The following AUTS2 variants were observed in gnomAD, a reference collection of about 807,000 sequenced individuals.
AUTS2 encodes activator of transcription and developmental regulator AUTS2, also known as autism susceptibility gene 2 protein.
AUTS2 carries 17 observed loss-of-function variants against 112.4 expected under a neutral mutation model. The ratio of observed to expected loss-of-function variants is 0.15; its 90% CI spans 0.10 to 0.23. The LOEUF (loss-of-function observed/expected upper bound fraction) is 0.23, where lower values mean the gene tolerates loss of function less well. Ranked by LOEUF, AUTS2 falls within the 10% of genes least tolerant of loss-of-function variation. AUTS2 has a pLI of 1.00. For synonymous variants in AUTS2, 751 were observed against 702.7 expected, an observed-to-expected ratio of 1.07 and a Z score of -1.09; for missense variants, 1,510 against 1,701.6, an observed-to-expected ratio of 0.89 and a Z score of 1.98.
At chr7:70,290,533 T>C in intron 4 of AUTS2, 1 of 1,530,226 alleles carries the variant, frequency 6.5e-7, no homozygotes, top group Non-Finnish European at 8.8e-7. Flanking sequence ...GTCACTCACA[T>C]TTGAATTCTA....
chr7:70,254,298 C>A (rs1786746884), intron 4 of AUTS2, among the ~76,000 whole-genome samples: 1 of 152,154 alleles, frequency 6.6e-6, no homozygotes, highest in South Asian at 2.1e-4. Flanking sequence ...AAAGTATAAT[C>A]ATTAATGTAA....
In AUTS2 at chr7:70,762,920, G is replaced by C. The variant is rs1001820837; in HGVS notation, c.793G>C (p.Gly265Arg). 6.2e-7 allele frequency: 1 copy of C among 1,614,160 alleles called. No homozygotes were observed. The highest frequency in any genetic ancestry group is 8.5e-7 in the Non-Finnish European group (1 of 1,180,024). ...TLPEHDSQDA[G>R]PIVPKISGLE... Reference sequence around the variant, plus strand: ...ACCAGAACATGACAGCCAGGATGCAGGGCCGATTGTCCCCAAGATATCGGG... The same window carrying C: ...ACCAGAACATGACAGCCAGGATGCACGGCCGATTGTCCCCAAGATATCGGG... Residue 265 changes from glycine to arginine, a missense_variant, in exon 7 of 19, where the codon GGG (glycine) becomes CGG (arginine). By Grantham distance (125) the Gly-to-Arg change is moderately radical (BLOSUM62 -2). Coordinates refer to ENST00000342771, the MANE Select transcript of AUTS2 (RefSeq NM_015570.4).
chr7:70,393,655 G>A (rs1793962873), intron 4 of AUTS2, among the ~76,000 whole-genome samples: 1 of 152,036 alleles, frequency 6.6e-6, no homozygotes, highest in Non-Finnish European at 1.5e-5. Context: ...GATGTTATTG[G>A]GCTTCCTTGC....
At chr7:70,533,857 C>T (rs1379081899) in intron 5 of AUTS2, among the ~76,000 whole-genome samples, 3 of 152,154 alleles carry the variant, frequency 2.0e-5, no homozygotes, top group African/African-American at 7.2e-5. Flanking sequence ...AGCAGCTGAG[C>T]GTGGGAGTGG....
intron 1 of AUTS2, among the ~76,000 whole-genome samples, chr7:69,729,839 A>G (rs1364348869): frequency 1.3e-5 from 2 of 152,036 alleles, no homozygotes; most frequent in Non-Finnish European, 1.5e-5. Flanking sequence ...ATAAAAAGCT[A>G]CTGGATTTCT....
intron 3 of AUTS2, among the ~76,000 whole-genome samples, chr7:70,127,307 T>C (rs1212511665): frequency 2.7e-5 from 4 of 149,824 alleles, no homozygotes; most frequent in Admixed American, 2.6e-4. Context: ...CTAATTTTTG[T>C]ATTTTTAGTA....
At chr7:69,740,921 T>A (rs556259868) in intron 1 of AUTS2, among the ~76,000 whole-genome samples, 1 of 152,284 alleles carries the variant, frequency 6.6e-6, no homozygotes, top group South Asian at 2.1e-4. Context: ...GATTGTTAAT[T>A]TTTAGGCAAA....
intron 5 of AUTS2, among the ~76,000 whole-genome samples, chr7:70,695,744 A>G (rs1158011353): frequency 2.6e-5 from 4 of 152,230 alleles, no homozygotes; most frequent in African/African-American, 7.2e-5. Context: ...TTAAACGCCA[A>G]CTACGGCTTC....
intron 5 of AUTS2, among the ~76,000 whole-genome samples, chr7:70,621,171 G>A (rs1316742009): frequency 6.6e-6 from 1 of 152,254 alleles, no homozygotes; most frequent in Non-Finnish European, 1.5e-5. Context: ...GCACGTGGAA[G>A]GGTTGAGTGT....
chr7:70,348,306 A>G (rs766006675), intron 4 of AUTS2, among the ~76,000 whole-genome samples: 3 of 152,234 alleles, frequency 2.0e-5, no homozygotes, highest in African/African-American at 4.8e-5. Flanking sequence ...GATTTGTCCA[A>G]TTGTTTCCCC....
intron 10 of AUTS2, 115 bp downstream of exon 10, chr7:70,768,183 C>T (rs1790057067): frequency 4.9e-6 from 5 of 1,015,140 alleles, no homozygotes; most frequent in African/African-American, 1.7e-5. Flanking sequence ...CAAGAGTTCC[C>T]ATTGCTCCTC....
chr7:69,614,380 G>A (rs1470674890), intron 1 of AUTS2, among the ~76,000 whole-genome samples: 1 of 13,108 alleles, frequency 7.6e-5, no homozygotes. Context: ...TTAAGAGATG[G>A]GATCTCACTC....
rs1789931069 is a variant in AUTS2 at position 70,766,205 on chromosome 7, G to A, written c.1560G>A (p.Leu520=). Residue 520 remains leucine, a synonymous_variant, in exon 9 of 19, where the codon CTG becomes CTA. Coordinates refer to ENST00000342771, the MANE Select transcript of AUTS2 (RefSeq NM_015570.4). This position sits in a 1 kb window ranked among gnomAD's most constrained non-coding sequence, Gnocchi z 4.8. ...CTTCCCTGGGCCCTCCGCCCTACCTGCGGACCGAGTTCCATCAGCACCAGC... is the reference window on the plus strand; with the variant it reads ...CTTCCCTGGGCCCTCCGCCCTACCTACGGACCGAGTTCCATCAGCACCAGC... ...RGASLGPPPY[L]RTEFHQHQHQ... 1 of 1,613,952 alleles carries A rather than the reference G, an allele frequency of 6.2e-7. No individual in the cohort carries two copies. Among genetic ancestry groups the A allele is most frequent in the African/African-American group, 1.3e-5 (1 of 74,868 alleles).
intron 5 of AUTS2, among the ~76,000 whole-genome samples, chr7:70,525,147 A>G (rs956995299): frequency 5.3e-5 from 8 of 152,070 alleles, no homozygotes; most frequent in African/African-American, 1.9e-4. Context: ...ACCTGCCTGT[A>G]CCTCCAGGGA....
At chr7:70,701,302 A>G (rs1284092693) in intron 6 of AUTS2, among the ~76,000 whole-genome samples, 1 of 152,214 alleles carries the variant, frequency 6.6e-6, no homozygotes, top group Non-Finnish European at 1.5e-5. Context: ...GATGAAGCTC[A>G]GGCAGAGGCA....
rs565015537 is a variant in AUTS2 at position 70,485,387 on chromosome 7, G to A, written c.690+49606G>A. Among the ~76,000 whole-genome samples the A allele has an allele frequency of 3.3e-5, 5 of 152,168 alleles. No homozygotes were observed. In the South Asian group the frequency reaches 1.0e-3, roughly 32 times the overall value. On this transcript the variant is annotated intron_variant, in intron 5 of 18. Coordinates refer to ENST00000342771, the MANE Select transcript of AUTS2 (RefSeq NM_015570.4). Reference sequence around the variant, plus strand: ...ATTCAAGAATGGAAAACCAAATGCCGTATGTTCTTACCTATAAGTGGGAGC... The same window carrying A: ...ATTCAAGAATGGAAAACCAAATGCCATATGTTCTTACCTATAAGTGGGAGC...
intron 1 of AUTS2, among the ~76,000 whole-genome samples, chr7:69,650,399 C>A (rs1303960946): frequency 6.6e-6 from 1 of 152,206 alleles, no homozygotes; most frequent in Non-Finnish European, 1.5e-5. Flanking sequence ...AAGGCACTTT[C>A]TGTAGCCTTC....
chr7:70,550,574 G>A (rs1439920285), intron 5 of AUTS2, among the ~76,000 whole-genome samples: 1 of 152,134 alleles, frequency 6.6e-6, no homozygotes, highest in African/African-American at 2.4e-5. Context: ...AAATAAGTAT[G>A]TAATAATAAA....
intron 1 of AUTS2, among the ~76,000 whole-genome samples, chr7:69,670,984 T>C (rs896165585): frequency 6.6e-6 from 1 of 152,202 alleles, no homozygotes; most frequent in Non-Finnish European, 1.5e-5. Context: ...CTGGCATCAT[T>C]CACAATCAGG....
Sources: gnomAD v4.1 joint callset for allele counts (sites outside exome capture counted in the v4.1 genomes callset) on GRCh38, gnomAD v4.1.1 for gene constraint, Gnocchi (gnomAD v3.1) non-coding constraint, MANE v1.5 for transcripts, NCBI Gene and HGNC (gene_info 2026-07-23, HGNC 2026-07-21) for gene names.